Variants in HCN3 observed in about 807,000 individuals in gnomAD.
HCN3 encodes the protein potassium/sodium hyperpolarization-activated cyclic nucleotide-gated channel 3.
Under a neutral mutation model 56.8 loss-of-function variants are expected in HCN3, and 36 were observed. The ratio of observed to expected loss-of-function variants is 0.63; its 90% CI spans 0.49 to 0.84. The LOEUF (loss-of-function observed/expected upper bound fraction) is 0.84. Among genes scored for constraint, HCN3 ranks in the 40% least tolerant of loss-of-function variants. HCN3 has a pLI of 0.00. For missense variants in HCN3, 930 were observed against 1,079.3 expected (o/e 0.86, Z 1.94); for synonymous variants, 425 against 439.7 (o/e 0.97, Z 0.42).
chr1:155,288,613 G>A lies in HCN3; in HGVS notation c.*150G>A, dbSNP rs569313465. 254 of 961,912 alleles carry A rather than the reference G, an allele frequency of 2.6e-4. 5 individuals are homozygous for A. The South Asian group carries it at 4.2e-3, about 16-fold the overall frequency. The allele number at this position is 961,912 out of a possible 1,614,324, so 59.6% of individuals were successfully genotyped here. A position where few individuals can be genotyped will look rare whatever the true frequency, so the allele number is the denominator to read the frequency against. On this transcript the variant is annotated 3_prime_UTR_variant, in exon 8 of 8. Transcript: ENST00000368358. This position sits in a 1 kb window ranked among gnomAD's most constrained non-coding sequence, Gnocchi z 6.5. ...ACATTCCGCATACTGCCATGAAGAC[G>A]GTCTCTGTGTCCTCAGCTCAAGAAT...
In HCN3 at chr1:155,286,004, A is replaced by T. The variant is rs769737255; in HGVS notation, c.1477+40A>T. ...GGGAGGGTGGCAGGGTCACGAGCAG[A>T]CAGTGGAGAGGGCAACTGCTCCCAG... is the stretch of plus-strand genomic sequence containing the variant. On this transcript the variant is annotated intron_variant, in intron 6 of 7. Coordinates refer to ENST00000368358, the MANE Select transcript of HCN3 (RefSeq NM_020897.3). 8 of 1,544,070 alleles carry T rather than the reference A, an allele frequency of 5.2e-6. No individual in the cohort carries two copies. The Admixed American group carries it at 9.2e-5, about 18-fold the overall frequency.
At position 155,284,232 on chromosome 1, in the gene HCN3, A is replaced by G. The variant is rs114326234; in HGVS notation, c.870+97A>G. 6,320 of 1,413,892 alleles carry G rather than the reference A, an allele frequency of 4.5e-3. 231 individuals are homozygous for G. In the African/African-American group the frequency reaches 0.08, roughly 18 times the overall value. 87.6% of individuals were successfully genotyped at this position (1,413,892 alleles called of 1,614,324 possible). ...CACAGGGAGCAGGAGGTGGGAGATG[A>G]TCACAACAGAAAATAGGAGCGAGGA... On this transcript the variant is annotated intron_variant, in intron 3 of 7. Transcript: ENST00000368358. The surrounding 1 kb of genome is among the most constrained non-coding windows in gnomAD (Gnocchi z 4.3).
At chr1:155,277,961 A>T (rs1470324574) in intron 1 of HCN3, 93 bp downstream of exon 1, 2 of 1,448,450 alleles carry the variant, frequency 1.4e-6, no homozygotes, top group African/African-American at 2.8e-5. Flanking sequence ...CTCCACGGTC[A>T]CTTCATTTCC....
intron 1 of HCN3, among the ~76,000 whole-genome samples, 153 bp downstream of exon 1, chr1:155,278,021 C>T (rs1025371742): frequency 6.6e-6 from 1 of 152,084 alleles, no homozygotes; most frequent in African/African-American, 2.4e-5. Flanking sequence ...CCAGTCTAGC[C>T]TGGGAATTCC....
chr1:155,286,953 T>C (rs77762657), intron 6 of HCN3, among the ~76,000 whole-genome samples: 1,531 of 150,898 alleles, frequency 0.01, 32 homozygotes, highest in African/African-American at 0.036. Flanking sequence ...ATGGAGAGAG[T>C]AGGAAGGACA....
At position 155,282,580 on chromosome 1, in the gene HCN3, G is replaced by T; in HGVS notation, c.448G>T (p.Val150Leu). ...DLVLNFRTGI[V>L]VEEGAEILLA... ...GGTGCTCAACTTCCGAACGGGCATCGTGGTGGAGGAGGGTGCTGAGATCCT... is the reference window on the plus strand; with the variant it reads ...GGTGCTCAACTTCCGAACGGGCATCTTGGTGGAGGAGGGTGCTGAGATCCT... The change falls in exon 2 of 8, where the codon GTG (valine) becomes TTG (leucine). Residue 150 changes from valine (V) to leucine (L), a missense_variant. By Grantham distance (32) the Val-to-Leu change is conservative. Transcript: ENST00000368358. The surrounding 1 kb of genome is among the most constrained non-coding windows in gnomAD (Gnocchi z 4.7). 3 of 1,614,246 alleles carry T rather than the reference G, an allele frequency of 1.9e-6. No individual in the cohort carries two copies. The highest frequency in any genetic ancestry group is 2.5e-6 in the Non-Finnish European group (3 of 1,180,054).
In HCN3 at chr1:155,284,197, C is replaced by A. The variant is rs1674185433; in HGVS notation, c.870+62C>A. The A allele has an allele frequency of 2.5e-6, 4 of 1,569,022 alleles. No homozygotes were observed. In the South Asian group the frequency reaches 4.6e-5, roughly 18 times the overall value. ...TCTTAGGGCTCTTCTGCCTGAGTAG[C>A]AGGGATGGCCACAGGGAGCAGGAGG... is the stretch of plus-strand genomic sequence containing the variant. On this transcript the variant is annotated intron_variant, in intron 3 of 7. Transcript: ENST00000368358. The surrounding 1 kb of genome is among the most constrained non-coding windows in gnomAD (Gnocchi z 4.3).
In HCN3 at chr1:155,287,805, G is replaced by T. The variant is rs139768739; in HGVS notation, c.1667G>T (p.Arg556Leu). Residue 556 changes from arginine (R) to leucine (L), a missense_variant, in exon 8 of 8, where the codon CGG (arginine) becomes CTG (leucine). By Grantham distance (102) the Arg-to-Leu change is moderately radical. Transcript: ENST00000368358. ...RIGKKNSILQ[R>L]KRSEPSPGSS... ...GGCAAGAAGAATTCCATACTGCAGC[G>T]GAAGCGCTCCGAGCCAAGTCCAGGC... The T allele has an allele frequency of 6.3e-6, 10 of 1,598,118 alleles. No homozygotes were observed. Among genetic ancestry groups the T allele is most frequent in the Non-Finnish European group, 8.5e-6 (10 of 1,169,940 alleles).
At position 155,277,717 on chromosome 1, in the gene HCN3, G is replaced by C. The variant is rs748893909; in HGVS notation, c.127G>C (p.Glu43Gln). Residue 43 changes from glutamate to glutamine, a missense_variant, in exon 1 of 8, where the codon GAG becomes CAG. Glu to Gln is a conservative substitution (Grantham distance 29, BLOSUM62 2). Transcript: ENST00000368358. ...ASGPIPKSGPEPKRRHLGTLL... is the reference protein window; with the variant it reads ...ASGPIPKSGPQPKRRHLGTLL... Reference sequence around the variant, plus strand: ...AGGTCCGATCCCCAAATCTGGGCCTGAGCCTAAGAGGAGGCACCTTGGGAC... The same window carrying C: ...AGGTCCGATCCCCAAATCTGGGCCTCAGCCTAAGAGGAGGCACCTTGGGAC... 6.3e-7 allele frequency: 1 copy of C among 1,585,882 alleles called. No individual in the cohort carries two copies. The highest frequency in any genetic ancestry group is 8.6e-7 in the Non-Finnish European group (1 of 1,166,628).
At position 155,284,299 on chromosome 1, in the gene HCN3, G is replaced by C; in HGVS notation, c.870+164G>C. ...GAAAGGGGAAGGAGACCCAGAAGAA[G>C]TGCTCGTGTGTTGGAGGGAGCAGGC... On this transcript the variant is annotated intron_variant, in intron 3 of 7. Transcript: ENST00000368358. The surrounding 1 kb of genome is among the most constrained non-coding windows in gnomAD (Gnocchi z 4.3). 1.1e-6 allele frequency: 1 copy of C among 896,000 alleles called. No homozygotes were observed. The allele number at this position is 896,000 out of a possible 1,614,324, so 55.5% of individuals were successfully genotyped here. A position where few individuals can be genotyped will look rare whatever the true frequency, so the allele number is the denominator to read the frequency against.
chr1:155,287,360 G>T (rs1674328574), intron 7 of HCN3, 23 bp downstream of exon 7: 4 of 1,612,586 alleles, frequency 2.5e-6, no homozygotes, highest in African/African-American at 1.3e-5. Context: ...CACCCCATCT[G>T]CTCTGGGTCC....
rs1674328426 is a variant in HCN3 at position 155,287,356 on chromosome 1, A to G, written c.1642+19A>G. ...CGCATCGGTGAGACCTGTCCACCCC[A>G]TCTGCTCTGGGTCCAGACTGTGCTC... On this transcript the variant is annotated intron_variant, in intron 7 of 7. Coordinates refer to ENST00000368358, the MANE Select transcript of HCN3 (RefSeq NM_020897.3). 3 of 1,613,080 alleles carry G rather than the reference A, an allele frequency of 1.9e-6. No individual in the cohort carries two copies. The African/African-American group carries it at 4.0e-5, about 22-fold the overall frequency.
chr1:155,286,025 C>T (rs1674273009), intron 6 of HCN3, 61 bp downstream of exon 6: 1 of 1,525,446 alleles, frequency 6.6e-7, no homozygotes, highest in Non-Finnish European at 8.8e-7. Context: ...GGCAACTGCT[C>T]CCAGGCTCTG....
In HCN3 at chr1:155,282,857, G is replaced by T; in HGVS notation, c.708+17G>T. The T allele has an allele frequency of 6.4e-7, 1 of 1,573,462 alleles. No homozygotes were observed. Among genetic ancestry groups the T allele is most frequent in the Non-Finnish European group, 8.6e-7 (1 of 1,159,190 alleles). On this transcript the variant is annotated intron_variant, in intron 2 of 7. Transcript: ENST00000368358. This position sits in a 1 kb window ranked among gnomAD's most constrained non-coding sequence, Gnocchi z 4.7. ...TGGGAGGAGGTGGGGTGGGGAGATG[G>T]CGGGCGGGGCAGTGGGTGGGGGATG...
In HCN3 at chr1:155,287,323, G is replaced by A. The variant is rs770752686; in HGVS notation, c.1628G>A (p.Arg543Gln). Reference sequence around the variant, plus strand: ...GCCTTTGAGACTGTGGCCATGGATCGGCTGCTCCGCATCGGTGAGACCTGT... The same window carrying A: ...GCCTTTGAGACTGTGGCCATGGATCAGCTGCTCCGCATCGGTGAGACCTGT... ...RRAFETVAMDRLLRIGKKNSI... is the reference protein window; with the variant it reads ...RRAFETVAMDQLLRIGKKNSI... Residue 543 changes from arginine to glutamine, a missense_variant, in exon 7 of 8, where the codon CGG becomes CAG. Transcript: ENST00000368358. The A allele has an allele frequency of 6.2e-6, 10 of 1,613,870 alleles. No individual in the cohort carries two copies. Among genetic ancestry groups the A allele is most frequent in the South Asian group, 2.2e-5 (2 of 91,068 alleles).
In HCN3 at chr1:155,279,953, T is replaced by C. The variant is rs552947551; in HGVS notation, c.278+2085T>C. Among the ~76,000 whole-genome samples, 18 of 152,148 alleles carry C rather than the reference T, an allele frequency of 1.2e-4. 1 individual carries two copies. The South Asian group carries it at 3.5e-3, about 30-fold the overall frequency. On this transcript the variant is annotated intron_variant, in intron 1 of 7. Transcript: ENST00000368358. The stretch of plus-strand genomic sequence containing the variant: ...ATTTATTTATTTATTTTTATATTTG[T>C]TTATTTATTTTGAGAAGGAGTCTCA...
intron 2 of HCN3, 88 bp from the exon 3 acceptor site, chr1:155,283,886 T>C (rs1674171677): frequency 1.4e-6 from 2 of 1,424,144 alleles, no homozygotes; most frequent in Non-Finnish European, 1.9e-6. Context: ...TAGGGAGTAG[T>C]TCAGAAGAGA....
At chr1:155,280,765 T>C (rs1472816542) in intron 1 of HCN3, among the ~76,000 whole-genome samples, 4 of 127,170 alleles carry the variant, frequency 3.1e-5, no homozygotes, top group Non-Finnish European at 6.7e-5. Flanking sequence ...TTTTTTTTTT[T>C]TTTTTTGAGA....
At chr1:155,279,454 G>T (rs1673935808) in intron 1 of HCN3, among the ~76,000 whole-genome samples, 1 of 152,218 alleles carries the variant, frequency 6.6e-6, no homozygotes, top group African/African-American at 2.4e-5. Context: ...ATGATCTCCT[G>T]TGGAGCTTCT....
Sources: allele counts gnomAD v4.1 joint callset (sites outside exome capture counted in the v4.1 genomes callset), GRCh38; gene constraint gnomAD v4.1.1; non-coding constraint Gnocchi (gnomAD v3.1); transcripts MANE v1.5; gene names NCBI Gene and HGNC (gene_info 2026-07-23, HGNC 2026-07-21).